The following COX7B2 variants were observed in gnomAD, a reference collection of about 807,000 sequenced individuals.
COX7B2 encodes the protein cytochrome c oxidase subunit 7B2, also known as cytochrome c oxidase subunit 7B2, mitochondrial.
For synonymous variants in COX7B2, 37 were observed against 32.1 expected, an observed-to-expected ratio of 1.15 and a Z score of -0.51; for missense variants, 109 against 95.9, an observed-to-expected ratio of 1.14 and a Z score of -0.57.
At chr4:46,737,304 T>C (rs1714426802) in intron 2 of COX7B2, among the ~76,000 whole-genome samples, 1 of 152,184 alleles carries the variant, frequency 6.6e-6, no homozygotes, top group African/African-American at 2.4e-5. Context: ...TTTCTTATTG[T>C]TGAATTTTAA....
chr4:46,897,569 T>G (rs566662948), intron 1 of COX7B2, among the ~76,000 whole-genome samples: 1 of 152,208 alleles, frequency 6.6e-6, no homozygotes, highest in Non-Finnish European at 1.5e-5. Context: ...AGTCTGTTAT[T>G]GTTCTCTCTC....
chr4:46,840,820 T>C (rs1376235663), intron 2 of COX7B2, among the ~76,000 whole-genome samples: 1 of 151,996 alleles, frequency 6.6e-6, no homozygotes, highest in South Asian at 2.1e-4. Flanking sequence ...GATACCTAAT[T>C]CAGGCTGGGT....
At chr4:46,786,543 A>G (rs927755209) in intron 2 of COX7B2, among the ~76,000 whole-genome samples, 2 of 152,222 alleles carry the variant, frequency 1.3e-5, no homozygotes, top group African/African-American at 2.4e-5. Flanking sequence ...AGTCACTTGT[A>G]CAATATCTAT....
At chr4:46,881,718 T>C (rs1718757442) in intron 1 of COX7B2, among the ~76,000 whole-genome samples, 1 of 151,712 alleles carries the variant, frequency 6.6e-6, no homozygotes, top group African/African-American at 2.4e-5. Flanking sequence ...CCATCTCAAA[T>C]AATAATAATA....
At chr4:46,770,123 C>T (rs1360853812) in intron 2 of COX7B2, among the ~76,000 whole-genome samples, 1 of 152,084 alleles carries the variant, frequency 6.6e-6, no homozygotes, top group Non-Finnish European at 1.5e-5. Flanking sequence ...CAAAATACTG[C>T]TAGAAATAAT....
chr4:46,762,918 G>C (rs1326131691), intron 2 of COX7B2, among the ~76,000 whole-genome samples: 1 of 139,040 alleles, frequency 7.2e-6, no homozygotes, highest in Non-Finnish European at 1.6e-5. Context: ...ATTTGTGATA[G>C]TCTATACCAC....
chr4:46,795,009 G>GAT (rs1228873376), intron 2 of COX7B2, among the ~76,000 whole-genome samples: 4,660 of 151,460 alleles, frequency 0.031, 280 homozygotes, highest in African/African-American at 0.097. Context: ...TTTGAGAAGT[G>GAT]TCTGTTCATG....
chr4:46,874,791 A>G (rs932906701), intron 1 of COX7B2, among the ~76,000 whole-genome samples: 11 of 152,180 alleles, frequency 7.2e-5, no homozygotes, highest in Non-Finnish European at 1.2e-4. Flanking sequence ...ATTTTTCTCA[A>G]CATTGATATT....
At chr4:46,886,939 G>A (rs1410584762) in intron 1 of COX7B2, among the ~76,000 whole-genome samples, 1 of 152,144 alleles carries the variant, frequency 6.6e-6, no homozygotes, top group Non-Finnish European at 1.5e-5. Flanking sequence ...CTGTTAATTG[G>A]TGTGGAAAAA....
chr4:46,826,452 G>A (rs979316524), intron 2 of COX7B2, among the ~76,000 whole-genome samples: 2 of 152,072 alleles, frequency 1.3e-5, no homozygotes, highest in African/African-American at 2.4e-5. Flanking sequence ...GTTATGGAAA[G>A]TAGTATGGCA....
At chr4:46,838,828 G>A (rs1175881535) in intron 2 of COX7B2, among the ~76,000 whole-genome samples, 1 of 151,746 alleles carries the variant, frequency 6.6e-6, no homozygotes, top group Non-Finnish European at 1.5e-5. Flanking sequence ...ATTCCGAATG[G>A]CATTTGGCCC....
intron 2 of COX7B2, among the ~76,000 whole-genome samples, chr4:46,747,915 C>CG (rs1715122212): frequency 6.6e-6 from 1 of 151,696 alleles, no homozygotes; most frequent in Admixed American, 6.6e-5. Flanking sequence ...TCACAGACAT[C>CG]TTTAAGAACA....
At chr4:46,860,854 G>A (rs1232459158) in intron 1 of COX7B2, among the ~76,000 whole-genome samples, 1 of 152,146 alleles carries the variant, frequency 6.6e-6, no homozygotes, top group Non-Finnish European at 1.5e-5. Flanking sequence ...GGGACCCTGA[G>A]ACATCAGAGT....
chr4:46,884,799 T>C (rs774818577), intron 1 of COX7B2, among the ~76,000 whole-genome samples: 2 of 152,222 alleles, frequency 1.3e-5, no homozygotes, highest in Non-Finnish European at 2.9e-5. Flanking sequence ...CATCTCCTTC[T>C]GTCAAATTAC....
At chr4:46,900,208 G>A (rs2109893212) in intron 1 of COX7B2, among the ~76,000 whole-genome samples, 1 of 152,202 alleles carries the variant, frequency 6.6e-6, no homozygotes, top group East Asian at 1.9e-4. Flanking sequence ...ATATTTTAAG[G>A]AAGAATAAGA....
intron 2 of COX7B2, among the ~76,000 whole-genome samples, chr4:46,781,933 C>T (rs1717480708): frequency 6.6e-6 from 1 of 152,200 alleles, no homozygotes; most frequent in African/African-American, 2.4e-5. Context: ...CATGCTCAAG[C>T]ACCCCCCATC....
At chr4:46,838,705 G>T (rs1047368115) in intron 2 of COX7B2, among the ~76,000 whole-genome samples, 2 of 152,018 alleles carry the variant, frequency 1.3e-5, no homozygotes, top group Non-Finnish European at 2.9e-5. Context: ...TCAAAACCTA[G>T]ATCATTGGCA....
chr4:46,908,624 T>C (rs1388159655), intron 1 of COX7B2, among the ~76,000 whole-genome samples: 2 of 152,008 alleles, frequency 1.3e-5, no homozygotes, highest in Non-Finnish European at 2.9e-5. Flanking sequence ...TTCCTTTCCT[T>C]TTAATTTTCC....
intron 2 of COX7B2, among the ~76,000 whole-genome samples, chr4:46,834,839 A>G (rs1577632558): frequency 6.6e-6 from 1 of 152,274 alleles, no homozygotes; most frequent in African/African-American, 2.4e-5. Context: ...TTAAAAAATA[A>G]TGAATGACAA....
Sources: allele counts gnomAD v4.1 joint callset (sites outside exome capture counted in the v4.1 genomes callset), GRCh38; gene constraint gnomAD v4.1.1; transcripts MANE v1.5; gene names NCBI Gene and HGNC (gene_info 2026-07-23, HGNC 2026-07-21).